COL10A1: variants seen among roughly 807,000 people sequenced by gnomAD.
COL10A1 encodes collagen alpha-1(X) chain.
In COL10A1, 10 loss-of-function variants were observed where a neutral mutation model predicts 18.2. The ratio of observed to expected loss-of-function variants is 0.55; its 90% confidence interval spans 0.34 to 0.93. The LOEUF (loss-of-function observed/expected upper bound fraction) is 0.93, where lower values mean the gene tolerates loss of function less well. COL10A1 is among the 40% of genes least tolerant of loss of function. The pLI is 0.02. For synonymous variants in COL10A1, 330 were observed against 316.6 expected (o/e 1.04, Z -0.45); for missense variants, 897 against 853.5 (o/e 1.05, Z -0.64).
the COL10A1 span, among the ~76,000 whole-genome samples, chr6:116,196,051 T>C: frequency 2.0e-5 from 3 of 152,066 alleles, no homozygotes; most frequent in Admixed American, 1.3e-4. Flanking sequence ...GTCGGGTTGT[T>C]AAGGGGCTAA....
upstream of COL10A1, among the ~76,000 whole-genome samples, chr6:116,128,113 CTTCT>C (rs1234674170): frequency 6.6e-6 from 1 of 152,070 alleles, no homozygotes; most frequent in Non-Finnish European, 1.5e-5. Flanking sequence ...GGTTGTATGT[CTTCT>C]TTTAGGGATA....
chr6:116,148,599 A>T (rs1029145665), intron 1 of COL10A1, among the ~76,000 whole-genome samples: 3 of 152,164 alleles, frequency 2.0e-5, no homozygotes, highest in Non-Finnish European at 2.9e-5. Context: ...ACAGTTTATT[A>T]TATGTATTTT....
chr6:116,147,007 A>G (rs1349659012), intron 1 of COL10A1, among the ~76,000 whole-genome samples: 2 of 148,094 alleles, frequency 1.4e-5, no homozygotes, highest in Non-Finnish European at 3.0e-5. Context: ...TAAAATATAT[A>G]TATATATTTT....
At position 116,125,668 on chromosome 6, in the gene COL10A1, T is replaced by C. The variant is rs568175652; in HGVS notation, c.-15-161A>G. 3.0e-5 allele frequency: 17 copies of C among 559,414 alleles called. No homozygotes were observed. In the South Asian group the frequency reaches 3.7e-4, roughly 12 times the overall value. 34.7% of individuals were successfully genotyped at this position (559,414 alleles called of 1,614,324 possible). Reference sequence around the variant, plus strand: ...AATAAATGAGAGATCATTTTTTAGTTATGTGAATATATGTCTTAGTTATTT... The same window carrying C: ...AATAAATGAGAGATCATTTTTTAGTCATGTGAATATATGTCTTAGTTATTT... On this transcript the variant is annotated intron_variant, in intron 1 of 2. Coordinates refer to ENST00000651968, the MANE Select transcript of COL10A1 (RefSeq NM_000493.4).
In COL10A1 at chr6:116,119,975, A is replaced by T; in HGVS notation, c.*98T>A. 3 of 1,096,426 alleles carry T rather than the reference A, an allele frequency of 2.7e-6. No homozygotes were observed. Among genetic ancestry groups the T allele is most frequent in the Non-Finnish European group, 4.2e-6 (3 of 720,426 alleles). The allele number at this position is 1,096,426 out of a possible 1,614,324, so 67.9% of individuals were successfully genotyped here. On this transcript the variant is annotated 3_prime_UTR_variant, in exon 3 of 3. Transcript: ENST00000651968. ...ATCTGTATTTCAGAAAATAAAAATT[A>T]CATTCTTTTCAGCCTACCTCCATAT...
chr6:116,133,215 C>T (rs1490459439), intron 1 of COL10A1, among the ~76,000 whole-genome samples: 2 of 152,266 alleles, frequency 1.3e-5, no homozygotes, highest in East Asian at 3.9e-4. Context: ...AATGTCTTGG[C>T]CCCTTGACCT....
chr6:116,202,514 G>T, the COL10A1 span, among the ~76,000 whole-genome samples: 8 of 151,838 alleles, frequency 5.3e-5, no homozygotes, highest in Non-Finnish European at 1.2e-4. Flanking sequence ...ATTGGCAATA[G>T]GTTTATTTCT....
the COL10A1 span, among the ~76,000 whole-genome samples, chr6:116,177,880 A>C: frequency 6.9e-4 from 105 of 152,318 alleles, no homozygotes; most frequent in Middle Eastern, 3.4e-3. Context: ...GAGGTTGGAA[A>C]GGAAATGGAC....
At chr6:116,128,075 TAG>T (rs1331650896), upstream of COL10A1, among the ~76,000 whole-genome samples, 1 of 152,114 alleles carries the variant, frequency 6.6e-6, no homozygotes, top group East Asian at 1.9e-4. Flanking sequence ...TAGTACTTAT[TAG>T]AGACACAAAA....
rs1779108606 is a variant in COL10A1 at position 116,121,135 on chromosome 6, T to A, written c.981A>T (p.Pro327=). The A allele has an allele frequency of 2.5e-6, 4 of 1,613,436 alleles. No individual in the cohort carries two copies. The South Asian group carries it at 4.4e-5, about 18-fold the overall frequency. ...GGPGAKGEQG[P]AGLPGKPGLT... ...GACCTGGCTTCCCAGGAAGACCTGC[T>A]GGCCCTTGTTCCCCTTTGGCACCTG... is the stretch of plus-strand genomic sequence containing the variant. The change falls in exon 3 of 3, where the codon CCA becomes CCT. Residue 327 remains proline (P), a synonymous_variant. Transcript: ENST00000651968.
chr6:116,137,708 T>C (rs1779646459), intron 1 of COL10A1: 1 of 155,496 alleles, frequency 6.4e-6, no homozygotes, highest in South Asian at 2.0e-4. Flanking sequence ...AAGATATCTT[T>C]TATAAAATGC....
At chr6:116,145,165 A>G (rs1779865384) in intron 1 of COL10A1, among the ~76,000 whole-genome samples, 1 of 152,006 alleles carries the variant, frequency 6.6e-6, no homozygotes, top group African/African-American at 2.4e-5. Flanking sequence ...TCTCCTCCTC[A>G]CTCTGCAGTG....
Position 116,121,332 on chromosome 6 carries a change from C to T in COL10A1, c.784G>A (p.Gly262Ser). ...CCAGCAGCTCCTGGCTTTCCAATGC[C>T]TTCTGGCCCTCGTTCCCCAGGAGGG... ...QGPPGERGPE[G>S]IGKPGAAGAP... The change falls in exon 3 of 3, where the codon GGC becomes AGC. Residue 262 changes from glycine to serine, a missense_variant. Gly to Ser is a moderately conservative substitution (Grantham distance 56). Transcript: ENST00000651968. 6.2e-7 allele frequency: 1 copy of T among 1,614,028 alleles called. No individual in the cohort carries two copies. The highest frequency in any genetic ancestry group is 8.5e-7 in the Non-Finnish European group (1 of 1,179,970).
chr6:116,172,902 G>T, the COL10A1 span, among the ~76,000 whole-genome samples: 1 of 151,978 alleles, frequency 6.6e-6, no homozygotes, highest in Non-Finnish European at 1.5e-5. Flanking sequence ...GATTCTTTTT[G>T]CAGGCACTTT....
intron 1 of COL10A1, among the ~76,000 whole-genome samples, chr6:116,133,290 C>G (rs1164075542): frequency 6.6e-6 from 1 of 152,174 alleles, no homozygotes; most frequent in African/African-American, 2.4e-5. Flanking sequence ...AGTTCCTACT[C>G]TGTTTACAAC....
the COL10A1 span, among the ~76,000 whole-genome samples, chr6:116,177,102 A>G: frequency 6.6e-6 from 1 of 152,246 alleles, no homozygotes; most frequent in Non-Finnish European, 1.5e-5. Context: ...GACCGGTTTC[A>G]GTATAAATAC....
At chr6:116,137,614 G>A (rs1478634703) in intron 1 of COL10A1, 4 of 212,790 alleles carry the variant, frequency 1.9e-5, no homozygotes, top group Non-Finnish European at 4.0e-5. Context: ...CCGTGCCTCA[G>A]TAGTGGGAAA....
the COL10A1 span, among the ~76,000 whole-genome samples, chr6:116,196,222 T>C: frequency 6.6e-6 from 1 of 152,038 alleles, no homozygotes; most frequent in East Asian, 1.9e-4. Flanking sequence ...CACCCAGCAA[T>C]GACCTTCAGG....
At chr6:116,199,617 A>G in the COL10A1 span, among the ~76,000 whole-genome samples, 1 of 152,108 alleles carries the variant, frequency 6.6e-6, no homozygotes, top group Non-Finnish European at 1.5e-5. Context: ...TGGGGCAGGA[A>G]ATATACAAGA....
Sources: gnomAD v4.1 joint callset for allele counts (sites outside exome capture counted in the v4.1 genomes callset) on GRCh38, gnomAD v4.1.1 for gene constraint, MANE v1.5 for transcripts, NCBI Gene and HGNC (gene_info 2026-07-23, HGNC 2026-07-21) for gene names.